The following CEP97 variants were observed in gnomAD, a reference collection of about 807,000 sequenced individuals.
CEP97 encodes the protein centrosomal protein of 97 kDa.
A neutral mutation model predicts 73.1 loss-of-function variants in CEP97; 43 were observed. The observed-to-expected ratio is 0.59, with a 90% CI of 0.46 to 0.76. CEP97 has a LOEUF of 0.76. Among genes scored for constraint, CEP97 ranks in the 30% least tolerant of loss-of-function variants. The pLI is 0.00. For synonymous variants in CEP97, 337 were observed against 370.0 expected (o/e 0.91, Z 1.02); for missense variants, 939 against 1,014.0 (o/e 0.93, Z 1.00).
chr3:101,755,943 G>T (rs909003125), intron 7 of CEP97, among the ~76,000 whole-genome samples: 19 of 152,168 alleles, frequency 1.2e-4, no homozygotes, highest in African/African-American at 4.3e-4. Flanking sequence ...TTGTTCCTCA[G>T]TCTGATTTTA....
chr3:101,731,917 T>G lies in CEP97; in HGVS notation c.525T>G (p.Leu175=), dbSNP rs948864139. The G allele has an allele frequency of 6.8e-6, 11 of 1,609,302 alleles. No individual in the cohort carries two copies. The highest frequency in any genetic ancestry group is 9.4e-6 in the Non-Finnish European group (11 of 1,175,716). ...PAYLPRSLAI[L]SLAENEIRDL... ...ACCTACCCAGAAGTCTTGCTATACT[T>G]TCTTTGGCAGAAAATGAAATCCGAG... Residue 175 remains leucine (L), a synonymous_variant, in exon 5 of 11, where the codon CTT becomes CTG. Transcript: ENST00000341893.
chr3:101,757,400 C>A (rs1395766486), intron 8 of CEP97, among the ~76,000 whole-genome samples: 1 of 152,102 alleles, frequency 6.6e-6, no homozygotes, highest in Non-Finnish European at 1.5e-5. Context: ...TTTTAAGAAA[C>A]ATTTCAAGGA....
In CEP97 at chr3:101,741,074, T is replaced by C. The variant is rs565234294; in HGVS notation, c.728+8420T>C. Among the ~76,000 whole-genome samples, 23 of 152,074 alleles carry C rather than the reference T, an allele frequency of 1.5e-4. No individual in the cohort carries two copies. The South Asian group carries it at 4.8e-3, about 32-fold the overall frequency. ...CAGTGTAGTACTGGTACCAAAACAG[T>C]TATATAGACAAATGGAACAGAACAG... On this transcript the variant is annotated intron_variant, in intron 6 of 10. Transcript: ENST00000341893.
Position 101,757,785 on chromosome 3 carries a change from G to A in CEP97, c.1179G>A (p.Lys393=). Residue 393 remains lysine, a synonymous_variant, in exon 9 of 11, where the codon AAG becomes AAA. Coordinates refer to ENST00000341893, the MANE Select transcript of CEP97 (RefSeq NM_024548.4). ...HLEDIQTDED[K]LNCSLLSSES... ...AAGACATACAGACGGATGAGGACAAGTTAAACTGTAGTCTTCTCTCTTCAG... is the reference window on the plus strand; with the variant it reads ...AAGACATACAGACGGATGAGGACAAATTAAACTGTAGTCTTCTCTCTTCAG... 2 of 1,614,240 alleles carry A rather than the reference G, an allele frequency of 1.2e-6. No individual in the cohort carries two copies. Among genetic ancestry groups the A allele is most frequent in the East Asian group, 2.2e-5 (1 of 44,882 alleles).
intron 1 of CEP97, among the ~76,000 whole-genome samples, chr3:101,726,320 T>A (rs544062739): frequency 6.6e-6 from 1 of 152,314 alleles, no homozygotes; most frequent in South Asian, 2.1e-4. Context: ...TAATCGTCCA[T>A]ATTTAAATGT....
intron 10 of CEP97, chr3:101,762,961 G>A (rs746197383): frequency 4.8e-5 from 30 of 621,430 alleles, no homozygotes; most frequent in Middle Eastern, 6.6e-4. Flanking sequence ...ATTCATAACT[G>A]TATAGGAGAG....
At position 101,756,404 on chromosome 3, in the gene CEP97, C is replaced by A. The variant is rs566174144; in HGVS notation, c.894-659C>A. ...TTTGAGGCAGGAGCTCACTTTGTCACCCAGGTTGGAGTGCAGTGGTGTGAT... is the reference window on the plus strand; with the variant it reads ...TTTGAGGCAGGAGCTCACTTTGTCAACCAGGTTGGAGTGCAGTGGTGTGAT... On this transcript the variant is annotated intron_variant, in intron 7 of 10. Coordinates refer to ENST00000341893, the MANE Select transcript of CEP97 (RefSeq NM_024548.4). 3.3e-5 allele frequency among the ~76,000 whole-genome samples: 5 copies of A among 150,478 alleles called. 1 individual carries two copies. In the South Asian group the frequency reaches 1.0e-3, roughly 32 times the overall value.
chr3:101,734,628 T>C (rs1408272314), intron 6 of CEP97, among the ~76,000 whole-genome samples: 1 of 152,202 alleles, frequency 6.6e-6, no homozygotes, highest in Admixed American at 6.5e-5. Flanking sequence ...GAGGGACATA[T>C]GTCAGGTCTA....
chr3:101,745,922 C>T (rs1449627197), intron 6 of CEP97, among the ~76,000 whole-genome samples: 1 of 151,994 alleles, frequency 6.6e-6, no homozygotes, highest in Non-Finnish European at 1.5e-5. Flanking sequence ...CACCCCACAA[C>T]AGTCCCCAGA....
chr3:101,751,606 G>A (rs1416475888), intron 6 of CEP97, among the ~76,000 whole-genome samples: 1 of 152,150 alleles, frequency 6.6e-6, no homozygotes, highest in Non-Finnish European at 1.5e-5. Context: ...CCTGTATTTG[G>A]TGCATATATA....
chr3:101,755,350 C>A, intron 6 of CEP97, 80 bp from the exon 7 acceptor site: 2 of 1,240,106 alleles, frequency 1.6e-6, no homozygotes, highest in Non-Finnish European at 2.3e-6. Context: ...GGTAAGTTAA[C>A]AAGGAAGATC....
chr3:101,764,874 A>G lies in CEP97; in HGVS notation c.1921A>G (p.Thr641Ala). The part of the protein sequence containing the change: ...QVRSLQVWQQ[T>A]VDQRLSSWHT... The stretch of plus-strand genomic sequence containing the variant: ...AAGGTCTCTACAGGTTTGGCAACAG[A>G]CAGTGGACCAGCGTCTAAGTTCCTG... Residue 641 changes from threonine (T) to alanine (A), a missense_variant, in exon 11 of 11, where the codon ACA becomes GCA. Coordinates refer to ENST00000341893, the MANE Select transcript of CEP97 (RefSeq NM_024548.4). The G allele has an allele frequency of 6.2e-7, 1 of 1,612,072 alleles. No individual in the cohort carries two copies. Among genetic ancestry groups the G allele is most frequent in the South Asian group, 1.1e-5 (1 of 90,680 alleles).
chr3:101,737,973 C>T (rs1444288044), intron 6 of CEP97, among the ~76,000 whole-genome samples: 1 of 91,486 alleles, frequency 1.1e-5, no homozygotes, highest in Non-Finnish European at 2.0e-5. Flanking sequence ...CACATAGATT[C>T]AAAGGGATGG....
In CEP97 at chr3:101,757,074, G is replaced by A; in HGVS notation, c.905G>A (p.Arg302Lys). 2 of 1,608,586 alleles carry A rather than the reference G, an allele frequency of 1.2e-6. No individual in the cohort carries two copies. The highest frequency in any genetic ancestry group is 1.7e-6 in the Non-Finnish European group (2 of 1,178,424). The change falls in exon 8 of 11, where the codon AGG (arginine) becomes AAG (lysine). Residue 302 changes from arginine to lysine, a missense_variant. Transcript: ENST00000341893. ...TTATTGATTTTTAGGTTTCACCAGA[G>A]GCAGTTGATGAACCAAAGCCAAAAT... ...KILSKQRFHQ[R>K]QLMNQSQNEE...
At chr3:101,731,138 A>G (rs1478332027) in intron 4 of CEP97, among the ~76,000 whole-genome samples, 1 of 150,174 alleles carries the variant, frequency 6.7e-6, no homozygotes, top group Non-Finnish European at 1.5e-5. Context: ...TTATGGATGT[A>G]GGTTATCACT....
Position 101,765,304 on chromosome 3 carries a change from A to T in CEP97, c.2351A>T (p.Asp784Val). The T allele has an allele frequency of 6.2e-7, 1 of 1,614,166 alleles. No individual in the cohort carries two copies. The highest frequency in any genetic ancestry group is 1.6e-4 in the Middle Eastern group (1 of 6,062). Residue 784 changes from aspartate (D) to valine (V), a missense_variant, in exon 11 of 11, where the codon GAT (aspartate) becomes GTT (valine). Coordinates refer to ENST00000341893, the MANE Select transcript of CEP97 (RefSeq NM_024548.4). The part of the protein sequence containing the change: ...QYLTSVQQLE[D>V]ADERTNFDTE... ...TTAACTTCAGTTCAACAGCTGGAAG[A>T]TGCTGATGAGAGGACCAATTTTGAT...
chr3:101,764,822 T>G, intron 10 of CEP97, 25 bp from the exon 11 acceptor site: 1 of 1,547,028 alleles, frequency 6.5e-7, no homozygotes, highest in Non-Finnish European at 8.7e-7. Flanking sequence ...TATTTTATAA[T>G]ACAACTGTAT....
Position 101,755,419 on chromosome 3 carries a change from C to A in CEP97, c.729-11C>A, listed in dbSNP as rs763999925. ...ATGCCATCTCCTCTTTTTTATGTTC[C>A]CCAATTCCAGTTTGAAAGCTGAATG... On this transcript the variant is annotated splice_polypyrimidine_tract_variant and intron_variant, in intron 6 of 10. Coordinates refer to ENST00000341893, the MANE Select transcript of CEP97 (RefSeq NM_024548.4). 17 of 1,612,552 alleles carry A rather than the reference C, an allele frequency of 1.1e-5. No homozygotes were observed. In the Admixed American group the frequency reaches 2.7e-4, roughly 25 times the overall value.
At chr3:101,740,352 A>T (rs1213887368) in intron 6 of CEP97, among the ~76,000 whole-genome samples, 1 of 152,190 alleles carries the variant, frequency 6.6e-6, no homozygotes, top group Non-Finnish European at 1.5e-5. Context: ...ATCATGAGTG[A>T]ACTTCCATTC....
Sources: gnomAD v4.1 joint callset for allele counts (sites outside exome capture counted in the v4.1 genomes callset) on GRCh38, gnomAD v4.1.1 for gene constraint, MANE v1.5 for transcripts, NCBI Gene and HGNC (gene_info 2026-07-23, HGNC 2026-07-21) for gene names.